Variants in KHDRBS1 observed in about 807,000 individuals in gnomAD.
KHDRBS1 encodes the protein KH domain-containing, RNA-binding, signal transduction-associated protein 1.
In KHDRBS1, 7 loss-of-function variants were observed where a neutral mutation model predicts 48.4. The observed-to-expected ratio is 0.14, with a 90% CI of 0.08 to 0.27. KHDRBS1 has a LOEUF of 0.27. Ranked by LOEUF, KHDRBS1 falls within the 10% of genes least tolerant of loss-of-function variation. The probability of loss-of-function intolerance (pLI) is 1.00; values close to 1 mark genes in which losing one functional copy is unlikely to be tolerated. For missense variants in KHDRBS1, 458 were observed against 601.2 expected, an observed-to-expected ratio of 0.76 and a Z score of 2.49; for synonymous variants, 241 against 235.8, an observed-to-expected ratio of 1.02 and a Z score of -0.20.
chr1:32,030,841 C>CT lies in KHDRBS1; in HGVS notation c.507+432dup, dbSNP rs777371667. On this transcript the variant is annotated intron_variant, in intron 2 of 8. Coordinates refer to ENST00000327300, the MANE Select transcript of KHDRBS1 (RefSeq NM_006559.3). ...TTTTAAGTAAATGCTTTTTTTCTTC[C>CT]TTTTTTTTTTTTTAGGAAAGCATTT... 9.8e-3 allele frequency among the ~76,000 whole-genome samples: 1,382 copies of CT among 141,110 alleles called. 18 individuals carry two copies. Among genetic ancestry groups the CT allele is most frequent in the East Asian group, 0.024 (119 of 4,896 alleles). The allele number at this position is 141,110 out of a possible 152,430, so 92.6% of individuals were successfully genotyped here.
chr1:32,030,506 T>C, intron 2 of KHDRBS1, 84 bp downstream of exon 2: 1 of 1,178,874 alleles, frequency 8.5e-7, no homozygotes, highest in Non-Finnish European at 1.1e-6. Flanking sequence ...TCCTGGGGAT[T>C]GTGATGCTTT....
chr1:32,047,835 T>C (rs1467803075), downstream of KHDRBS1, among the ~76,000 whole-genome samples: 1 of 152,206 alleles, frequency 6.6e-6, no homozygotes, highest in South Asian at 2.1e-4. Context: ...ACAAATCTTA[T>C]ATCTGCTAAT....
intron 1 of KHDRBS1, among the ~76,000 whole-genome samples, chr1:32,020,070 A>G (rs901212848): frequency 3.3e-5 from 5 of 151,612 alleles, no homozygotes; most frequent in African/African-American, 1.2e-4. Context: ...GCCCAGCCCA[A>G]TGCAGGTTTT....
Position 32,013,971 on chromosome 1 carries a change from C to G in KHDRBS1, c.-25C>G. The G allele has an allele frequency of 6.8e-7, 1 of 1,463,696 alleles. No homozygotes were observed. Among genetic ancestry groups the G allele is most frequent in the South Asian group, 1.3e-5 (1 of 74,506 alleles). 90.7% of individuals were successfully genotyped at this position (1,463,696 alleles called of 1,614,324 possible). A position where few individuals can be genotyped will look rare whatever the true frequency, so the allele number is the denominator to read the frequency against. ...CCGTCGCTGCCGCGTCGCTTTCTCG[C>G]TCCTTGGATCGCACATCCTCCCAGA... On this transcript the variant is annotated 5_prime_UTR_variant, in exon 1 of 9. Transcript: ENST00000327300.
chr1:32,051,768 T>C (rs1184266791), intron 10 of KHDRBS1, among the ~76,000 whole-genome samples: 3 of 152,160 alleles, frequency 2.0e-5, no homozygotes, highest in Non-Finnish European at 4.4e-5. Flanking sequence ...ACCTTTATAC[T>C]CTCTTCCACC....
chr1:32,025,418 A>G (rs1255527428), intron 1 of KHDRBS1, among the ~76,000 whole-genome samples: 1 of 144,870 alleles, frequency 6.9e-6, no homozygotes, highest in Non-Finnish European at 1.5e-5. Context: ...CTTCTGTCTC[A>G]GCCTCCCAAA....
At chr1:32,038,694 G>GACAGTACA (rs767127861) in intron 7 of KHDRBS1, 75 bp downstream of exon 7, 57 of 1,414,298 alleles carry the variant, frequency 4.0e-5, no homozygotes, top group Non-Finnish European at 5.2e-5. Context: ...GAGAGATTTA[G>GACAGTACA]ACAGTACAAC....
chr1:32,016,939 CCTT>C (rs1638752849), intron 1 of KHDRBS1, among the ~76,000 whole-genome samples: 2 of 152,050 alleles, frequency 1.3e-5, no homozygotes, highest in African/African-American at 4.8e-5. Context: ...TACATATTCA[CCTT>C]CATTGAAGAT....
chr1:32,027,911 G>A (rs1639006624), intron 1 of KHDRBS1, among the ~76,000 whole-genome samples: 1 of 152,118 alleles, frequency 6.6e-6, no homozygotes, highest in Non-Finnish European at 1.5e-5. Flanking sequence ...TCAGGAGTTC[G>A]AGACCAGCCC....
intron 1 of KHDRBS1, among the ~76,000 whole-genome samples, chr1:32,015,107 A>G (rs534225344): frequency 1.3e-5 from 2 of 152,348 alleles, no homozygotes; most frequent in East Asian, 1.9e-4. Context: ...CGTAGTTCAC[A>G]TGACGTTTCC....
At chr1:32,058,252 T>A (rs1180795522) in intron 10 of KHDRBS1, among the ~76,000 whole-genome samples, 1 of 152,116 alleles carries the variant, frequency 6.6e-6, no homozygotes, top group Non-Finnish European at 1.5e-5. Context: ...TGCACCCAGC[T>A]TATTTTTTTA....
intron 3 of KHDRBS1, among the ~76,000 whole-genome samples, chr1:32,032,466 A>G (rs1263564347): frequency 4.6e-5 from 7 of 152,202 alleles, no homozygotes; most frequent in Admixed American, 4.6e-4. Flanking sequence ...TCCCTAGACC[A>G]TATAAGCAGA....
At chr1:32,044,841 T>C (rs1639339218), downstream of KHDRBS1, among the ~76,000 whole-genome samples, 1 of 152,244 alleles carries the variant, frequency 6.6e-6, no homozygotes, top group Non-Finnish European at 1.5e-5. Context: ...TGTCTGATTT[T>C]AATAGCACAT....
chr1:32,055,666 G>A (rs988562153), intron 10 of KHDRBS1, among the ~76,000 whole-genome samples: 13 of 152,090 alleles, frequency 8.5e-5, no homozygotes, highest in Admixed American at 1.3e-4. Context: ...TTAACTACCC[G>A]TTCTTTTGTT....
intron 1 of KHDRBS1, among the ~76,000 whole-genome samples, chr1:32,022,124 C>T (rs977739964): frequency 1.3e-5 from 2 of 152,022 alleles, no homozygotes; most frequent in Admixed American, 6.6e-5. Context: ...CGCGCCACCA[C>T]GCCCAACCAG....
chr1:32,057,370 T>C (rs1639491080), intron 10 of KHDRBS1, among the ~76,000 whole-genome samples: 1 of 152,268 alleles, frequency 6.6e-6, no homozygotes, highest in South Asian at 2.1e-4. Context: ...GATCTCAATC[T>C]GTTGCCCAGG....
chr1:32,056,299 C>T (rs190058066), intron 10 of KHDRBS1, among the ~76,000 whole-genome samples: 5 of 101,700 alleles, frequency 4.9e-5, no homozygotes, highest in African/African-American at 1.1e-4. Context: ...GGGGTGGGGG[C>T]GGGGGTTGTC....
intron 1 of KHDRBS1, among the ~76,000 whole-genome samples, chr1:32,021,911 A>C (rs1638864834): frequency 6.6e-6 from 1 of 151,670 alleles, no homozygotes; most frequent in African/African-American, 2.4e-5. Context: ...TCAGCCTCCC[A>C]AAGTGCTGGG....
chr1:32,017,923 A>C (rs1350212112), intron 1 of KHDRBS1, among the ~76,000 whole-genome samples: 1 of 151,944 alleles, frequency 6.6e-6, no homozygotes, highest in East Asian at 1.9e-4. Context: ...TCTACTTTCT[A>C]CAATTAGGGA....
Sources: allele counts gnomAD v4.1 joint callset (sites outside exome capture counted in the v4.1 genomes callset), GRCh38; gene constraint gnomAD v4.1.1; transcripts MANE v1.5; gene names NCBI Gene and HGNC (gene_info 2026-07-23, HGNC 2026-07-21).